The following MYO15A variants were observed in gnomAD, a reference collection of about 807,000 sequenced individuals.
MYO15A encodes unconventional myosin-XV.
A neutral mutation model predicts 394.6 loss-of-function variants in MYO15A; 308 were observed. The observed-to-expected ratio is 0.78, with a 90% CI of 0.71 to 0.86. The LOEUF is 0.86. Ranked by LOEUF, MYO15A falls within the 40% of genes least tolerant of loss-of-function variation. The probability of loss-of-function intolerance (pLI) is 0.00; values close to 1 mark genes in which losing one functional copy is unlikely to be tolerated. For synonymous variants in MYO15A, 1,957 were observed against 2,003.8 expected (o/e 0.98, Z 0.62); for missense variants, 4,606 against 4,799.1 (o/e 0.96, Z 1.19).
Position 18,119,989 on chromosome 17 carries a change from G to T in MYO15A, c.1189G>T (p.Val397Leu), listed in dbSNP as rs1259362491. Reference sequence around the variant, plus strand: ...GGACGAGGCCATCTACCCCCCCGAGGTGCCCTATTTTTACCCGGAGGAGTC... The same window carrying T: ...GGACGAGGCCATCTACCCCCCCGAGTTGCCCTATTTTTACCCGGAGGAGTC... Reference protein sequence around the residue: ...GGDEAIYPPEVPYFYPEESAS... With the variant: ...GGDEAIYPPELPYFYPEESAS... The change falls in exon 2 of 66, where the codon GTG becomes TTG. Residue 397 changes from valine (V) to leucine (L), a missense_variant. By Grantham distance (32) the Val-to-Leu change is conservative. Around this residue, in one of 2 missense-constraint regions of MYO15A, gnomAD observed 1,830 missense variants for 1,689.7 expected, o/e 1.08. Transcript: ENST00000647165. 6.2e-7 allele frequency: 1 copy of T among 1,613,612 alleles called. No homozygotes were observed. The highest frequency in any genetic ancestry group is 2.2e-5 in the East Asian group (1 of 44,888).
At chr17:18,137,477 G>GT (rs1476257870) in intron 15 of MYO15A, 107 bp from the exon 16 acceptor site, 2 of 868,118 alleles carry the variant, frequency 2.3e-6, no homozygotes, top group African/African-American at 3.3e-5. Flanking sequence ...TGAGCTGAGG[G>GT]CCTGTGGCTG....
intron 6 of MYO15A, 75 bp from the exon 7 acceptor site, chr17:18,127,000 T>A: frequency 1.2e-6 from 2 of 1,602,858 alleles, no homozygotes; most frequent in South Asian, 2.2e-5. Flanking sequence ...ATCCTCTTGC[T>A]TCATGATGGG....
chr17:18,159,599 C>T lies in MYO15A; in HGVS notation c.9230-7C>T. ...GTGGGTCTGAGTGGGATAGGTCTTT[C>T]CTACAGCTGTAATGAGGTTCATGGG... On this transcript the variant is annotated splice_polypyrimidine_tract_variant and splice_region_variant and intron_variant, in intron 54 of 65. Transcript: ENST00000647165. The T allele has an allele frequency of 2.5e-6, 4 of 1,613,906 alleles. No individual in the cohort carries two copies. Among genetic ancestry groups the T allele is most frequent in the Non-Finnish European group, 3.4e-6 (4 of 1,180,014 alleles).
chr17:18,160,865 C>G (rs2046763828), intron 56 of MYO15A: 1 of 350,142 alleles, frequency 2.9e-6, no homozygotes, highest in South Asian at 2.2e-5. Flanking sequence ...CAGGTCCACC[C>G]TCCTGTCTCC....
At position 18,121,346 on chromosome 17, in the gene MYO15A, C is replaced by T. The variant is rs1179007410; in HGVS notation, c.2546C>T (p.Pro849Leu). The T allele has an allele frequency of 1.1e-5, 15 of 1,418,104 alleles. No individual in the cohort carries two copies. The East Asian group carries it at 1.8e-4, about 17-fold the overall frequency. 87.8% of individuals were successfully genotyped at this position (1,418,104 alleles called of 1,614,324 possible). A position where few individuals can be genotyped will look rare whatever the true frequency, so the allele number is the denominator to read the frequency against. Residue 849 changes from proline to leucine, a missense_variant, in exon 2 of 66, where the codon CCG becomes CTG. Physicochemically the swap from Pro to Leu is moderately conservative, Grantham distance 98. This residue lies in a region of MYO15A where 1,830 missense variants were observed against 1,689.7 expected (regional missense o/e 1.08). Coordinates refer to ENST00000647165, the MANE Select transcript of MYO15A (RefSeq NM_016239.4). The surrounding 1 kb of genome is among the most constrained non-coding windows in gnomAD (Gnocchi z 5.3). The stretch of plus-strand genomic sequence containing the variant: ...CCGGGCTCACCCAGGCCGCCCTCGC[C>T]GCCCCTGGGGCTCTGCCACAGCCCG... ...PLPGSPRPPS[P>L]PLGLCHSPRR...
rs1265909514 is a variant in MYO15A at position 18,150,470 on chromosome 17, G to A, written c.7254G>A (p.Gly2418=). The change falls in exon 36 of 66, where the codon GGG becomes GGA. Residue 2418 remains glycine (G), a synonymous_variant. Coordinates refer to ENST00000647165, the MANE Select transcript of MYO15A (RefSeq NM_016239.4). The surrounding 1 kb of genome is among the most constrained non-coding windows in gnomAD (Gnocchi z 4.4). ...KPTAIAYRMK[G]GGQPGGGSSS... Reference sequence around the variant, plus strand: ...CAGCCATTGCCTACCGCATGAAAGGGGGAGGCCAGCCCGGTGGAGGCAGCA... The same window carrying A: ...CAGCCATTGCCTACCGCATGAAAGGAGGAGGCCAGCCCGGTGGAGGCAGCA... The A allele has an allele frequency of 6.2e-7, 1 of 1,614,138 alleles. No homozygotes were observed. The highest frequency in any genetic ancestry group is 1.7e-5 in the Admixed American group (1 of 60,020).
At chr17:18,127,832 A>AG (rs1555541550) in intron 7 of MYO15A, among the ~76,000 whole-genome samples, 1 of 40,580 alleles carries the variant, frequency 2.5e-5, no homozygotes, top group East Asian at 5.8e-4. Context: ...AAGAAAAAAA[A>AG]AGATATATAT....
chr17:18,174,557 C>T (rs573715703), intron 65 of MYO15A, among the ~76,000 whole-genome samples: 1 of 152,286 alleles, frequency 6.6e-6, no homozygotes, highest in Non-Finnish European at 1.5e-5. Context: ...CTGCAGTGAG[C>T]TGTGATGGTG....
chr17:18,129,874 TTTTTTGTTTTTG>T (rs886314136), intron 7 of MYO15A, among the ~76,000 whole-genome samples: 4 of 151,768 alleles, frequency 2.6e-5, no homozygotes, highest in African/African-American at 9.7e-5. Flanking sequence ...ATTCCTTTTG[TTTTTTGTTTTTG>T]TTTTTGTTTT....
In MYO15A at chr17:18,120,558, C is replaced by T. The variant is rs990279319; in HGVS notation, c.1758C>T (p.Ile586=). Residue 586 remains isoleucine (I), a synonymous_variant, in exon 2 of 66, where the codon ATC becomes ATT. Coordinates refer to ENST00000647165, the MANE Select transcript of MYO15A (RefSeq NM_016239.4). ...LKKTLSEKKP[I]ARLRGSQKAR... The stretch of plus-strand genomic sequence containing the variant: ...AGACGCTGTCGGAGAAGAAGCCCAT[C>T]GCGCGGCTCAGGGGCAGCCAGAAGG... 6 of 1,598,592 alleles carry T rather than the reference C, an allele frequency of 3.8e-6. No individual in the cohort carries two copies. The highest frequency in any genetic ancestry group is 1.7e-5 in the Admixed American group (1 of 58,912).
rs935543174 is a variant in MYO15A, at chr17:18,117,328, C to T, written c.-219-1254C>T. 2.6e-5 allele frequency among the ~76,000 whole-genome samples: 4 copies of T among 152,240 alleles called. No homozygotes were observed. Among genetic ancestry groups the T allele is most frequent in the Admixed American group, 1.3e-4 (2 of 15,290 alleles). ...CACTTGCTGCATGGTCCCCTCTCTGCTCCTGCCACTTACCTGGGAAGGCCT... is the reference window on the plus strand; with the variant it reads ...CACTTGCTGCATGGTCCCCTCTCTGTTCCTGCCACTTACCTGGGAAGGCCT... On this transcript the variant is annotated intron_variant, in intron 1 of 65. Transcript: ENST00000647165. The surrounding 1 kb of genome is among the most constrained non-coding windows in gnomAD (Gnocchi z 4.1).
rs370422571 is a variant in MYO15A at position 18,142,001 on chromosome 17, C to T, written c.5650-78C>T. On this transcript the variant is annotated intron_variant, in intron 23 of 65. Transcript: ENST00000647165. Reference sequence around the variant, plus strand: ...GGCTGCCCTGCCTATTCTGTCTCCACGGACTTCTAGAGAGGGAGGGGCCCT... The same window carrying T: ...GGCTGCCCTGCCTATTCTGTCTCCATGGACTTCTAGAGAGGGAGGGGCCCT... The T allele has an allele frequency of 1.4e-5, 22 of 1,558,870 alleles. No individual in the cohort carries two copies. The Admixed American group carries it at 1.8e-4, about 13-fold the overall frequency.
Position 18,148,636 on chromosome 17 carries a change from C to A in MYO15A, c.6764+68C>A. On this transcript the variant is annotated intron_variant, in intron 32 of 65. Coordinates refer to ENST00000647165, the MANE Select transcript of MYO15A (RefSeq NM_016239.4). The surrounding 1 kb of genome is among the most constrained non-coding windows in gnomAD (Gnocchi z 4.8). ...GGAATGTTGTGGGGGGAGGTCAGATCCCCCAGAGGGTCCCATAGGGTCCAT... is the reference window on the plus strand; with the variant it reads ...GGAATGTTGTGGGGGGAGGTCAGATACCCCAGAGGGTCCCATAGGGTCCAT... 2 of 1,546,626 alleles carry A rather than the reference C, an allele frequency of 1.3e-6. No individual in the cohort carries two copies. The highest frequency in any genetic ancestry group is 1.7e-6 in the Non-Finnish European group (2 of 1,143,414).
rs1442745078 is a variant in MYO15A at position 18,132,308 on chromosome 17, G to A, written c.4207-145G>A. 1.5e-6 allele frequency: 1 copy of A among 677,484 alleles called. No individual in the cohort carries two copies. The highest frequency in any genetic ancestry group is 1.8e-5 in the African/African-American group (1 of 56,682). The allele number at this position is 677,484 out of a possible 1,614,324, so 42.0% of individuals were successfully genotyped here. Reference sequence around the variant, plus strand: ...ACCCGCAGCTGGCACCAGGCTGGGAGCCTCACCCATCACAGAGGCGCGTGT... The same window carrying A: ...ACCCGCAGCTGGCACCAGGCTGGGAACCTCACCCATCACAGAGGCGCGTGT... On this transcript the variant is annotated intron_variant, in intron 10 of 65. Transcript: ENST00000647165. This position sits in a 1 kb window ranked among gnomAD's most constrained non-coding sequence, Gnocchi z 4.6.
At chr17:18,143,217 A>T (rs1377539485) in intron 25 of MYO15A, among the ~76,000 whole-genome samples, 1 of 152,230 alleles carries the variant, frequency 6.6e-6, no homozygotes, top group African/African-American at 2.4e-5. Flanking sequence ...TTCCCAAAGC[A>T]ATGAAGCAGT....
Position 18,151,093 on chromosome 17 carries a change from CG to C in MYO15A, c.7474-16del, listed in dbSNP as rs762156450. On this transcript the variant is annotated splice_polypyrimidine_tract_variant and intron_variant, in intron 38 of 65. Transcript: ENST00000647165. The stretch of plus-strand genomic sequence containing the variant: ...GTATATCCCAGGCAGCCCACCCTCA[CG>C]TCCTGTTCTCCACAGAAACCCCCAG... 3.8e-5 allele frequency: 61 copies of C among 1,613,606 alleles called. No homozygotes were observed. Among genetic ancestry groups the C allele is most frequent in the Non-Finnish European group, 4.9e-5 (58 of 1,180,022 alleles).
chr17:18,160,218 A>T (rs1382770102), intron 56 of MYO15A, among the ~76,000 whole-genome samples: 1 of 152,210 alleles, frequency 6.6e-6, no homozygotes, highest in Non-Finnish European at 1.5e-5. Flanking sequence ...TAGTGCCCTC[A>T]TCTGTAAAAT....
rs774292915 is a variant in MYO15A at position 18,120,650 on chromosome 17, T to C, written c.1850T>C (p.Met617Thr). Residue 617 changes from methionine (M) to threonine (T), a missense_variant, in exon 2 of 66, where the codon ATG (methionine) becomes ACG (threonine). Met to Thr is a moderately conservative substitution (Grantham distance 81). Transcript: ENST00000647165. ...YKRFGYKLAG[M>T]DPEKPGTPIV... ...CGCTTCGGCTACAAGCTGGCTGGCA[T>C]GGACCCCGAGAAGCCCGGCACGCCC... is the stretch of plus-strand genomic sequence containing the variant. The C allele has an allele frequency of 6.3e-7, 1 of 1,593,606 alleles. No homozygotes were observed. The highest frequency in any genetic ancestry group is 2.3e-5 in the East Asian group (1 of 44,186).
At position 18,150,540 on chromosome 17, in the gene MYO15A, C is replaced by T; in HGVS notation, c.7324C>T (p.Pro2442Ser). Reference protein sequence around the residue: ...DTPRRPPEPKPIPGLDASTLA... With the variant: ...DTPRRPPEPKSIPGLDASTLA... ...CCCCAGGAGACCCCCAGAGCCAAAGCCAAGTCAGTGCCTCCCCAGGGTGGT... is the reference window on the plus strand; with the variant it reads ...CCCCAGGAGACCCCCAGAGCCAAAGTCAAGTCAGTGCCTCCCCAGGGTGGT... Residue 2442 changes from proline (P) to serine (S), a missense_variant, in exon 36 of 66, where the codon CCA (proline) becomes TCA (serine). Pro to Ser is a moderately conservative substitution (Grantham distance 74, BLOSUM62 -1). Transcript: ENST00000647165. The surrounding 1 kb of genome is among the most constrained non-coding windows in gnomAD (Gnocchi z 4.4). 1 of 1,614,134 alleles carries T rather than the reference C, an allele frequency of 6.2e-7. No individual in the cohort carries two copies. The highest frequency in any genetic ancestry group is 8.5e-7 in the Non-Finnish European group (1 of 1,179,980).
Sources: gnomAD v4.1 joint callset for allele counts (sites outside exome capture counted in the v4.1 genomes callset) on GRCh38, gnomAD v4.1.1 for gene constraint, gnomAD v4.1.1 regional missense constraint, Gnocchi (gnomAD v3.1) non-coding constraint, MANE v1.5 for transcripts, NCBI Gene and HGNC (gene_info 2026-07-23, HGNC 2026-07-21) for gene names.